ST6GALNAC3: variants seen among roughly 807,000 people sequenced by gnomAD.
ST6GALNAC3 encodes the protein ST6 N-acetylgalactosaminide alpha-2,6-sialyltransferase 3, also known as alpha-N-acetylgalactosaminide alpha-2,6-sialyltransferase 3.
Under a neutral mutation model 32.7 loss-of-function variants are expected in ST6GALNAC3, and 25 were observed. The ratio of observed to expected loss-of-function variants is 0.76; its 90% confidence interval spans 0.56 to 1.07. The LOEUF (loss-of-function observed/expected upper bound fraction) is 1.07, where lower values mean the gene tolerates loss of function less well. ST6GALNAC3 is among the 50% of genes least tolerant of loss of function. ST6GALNAC3 has a pLI of 0.00. For missense variants in ST6GALNAC3, 355 were observed against 382.4 expected (o/e 0.93, Z 0.60); for synonymous variants, 129 against 133.1 (o/e 0.97, Z 0.21).
intron 2 of ST6GALNAC3, among the ~76,000 whole-genome samples, chr1:76,314,460 G>T (rs1646827814): frequency 6.6e-6 from 1 of 152,068 alleles, no homozygotes; most frequent in Non-Finnish European, 1.5e-5. Context: ...TTTAAAATTT[G>T]CAGTGGCTGC....
At chr1:76,576,558 A>C (rs368064689) in intron 3 of ST6GALNAC3, among the ~76,000 whole-genome samples, 4 of 152,166 alleles carry the variant, frequency 2.6e-5, no homozygotes, top group South Asian at 4.1e-4. Flanking sequence ...GAGCTGAAAT[A>C]TTAGCCTTCG....
chr1:76,198,760 C>T lies in ST6GALNAC3; in HGVS notation c.19-115045C>T, dbSNP rs372304263. Among the ~76,000 whole-genome samples, 19 of 152,182 alleles carry T rather than the reference C, an allele frequency of 1.2e-4. No homozygotes were observed. In the South Asian group the frequency reaches 1.5e-3, roughly 12 times the overall value. ...AGGATTGCTGGTATTTTAGATATGT[C>T]GGATTTGAGGTGCCTTGTGACAGCC... On this transcript the variant is annotated intron_variant, in intron 1 of 4. Coordinates refer to ENST00000328299, the MANE Select transcript of ST6GALNAC3 (RefSeq NM_152996.4).
chr1:76,400,849 C>T (rs1018709275), intron 2 of ST6GALNAC3, among the ~76,000 whole-genome samples: 6 of 151,302 alleles, frequency 4.0e-5, no homozygotes, highest in African/African-American at 1.5e-4. Context: ...GAGCTGAGAT[C>T]GCACCACTGC....
At chr1:76,147,494 A>G (rs1650763767) in intron 1 of ST6GALNAC3, among the ~76,000 whole-genome samples, 1 of 152,284 alleles carries the variant, frequency 6.6e-6, no homozygotes, top group South Asian at 2.1e-4. Flanking sequence ...CTTGCAATCA[A>G]TCTTCCCCCT....
At chr1:76,472,131 G>C (rs980537237) in intron 3 of ST6GALNAC3, among the ~76,000 whole-genome samples, 23 of 151,996 alleles carry the variant, frequency 1.5e-4, no homozygotes, top group African/African-American at 5.6e-4. Flanking sequence ...GTTTGAAATG[G>C]CCGACATTTT....
At chr1:76,168,155 G>A (rs1419327152) in intron 1 of ST6GALNAC3, among the ~76,000 whole-genome samples, 3 of 152,068 alleles carry the variant, frequency 2.0e-5, no homozygotes, top group African/African-American at 7.2e-5. Context: ...TACTGCCTTA[G>A]TTGTGTCTCA....
rs995252586 is a variant in ST6GALNAC3, at chr1:76,426,671, T to C, written c.623+14254T>C. On this transcript the variant is annotated intron_variant, in intron 3 of 4. Coordinates refer to ENST00000328299, the MANE Select transcript of ST6GALNAC3 (RefSeq NM_152996.4). ...ATAAGCCTAGTAACATAGTTGTTTA[T>C]TATCATTATCAAGTATTATATACTG... 2.0e-5 allele frequency among the ~76,000 whole-genome samples: 3 copies of C among 151,924 alleles called. No homozygotes were observed. In the East Asian group the frequency reaches 5.8e-4, roughly 29 times the overall value.
intron 1 of ST6GALNAC3, among the ~76,000 whole-genome samples, chr1:76,150,465 C>T (rs940816921): frequency 1.3e-5 from 2 of 152,204 alleles, no homozygotes; most frequent in Admixed American, 1.3e-4. Flanking sequence ...ACCCAATTCC[C>T]TCCTAATTGC....
chr1:76,112,013 G>A (rs548090687), intron 1 of ST6GALNAC3, among the ~76,000 whole-genome samples: 9 of 151,724 alleles, frequency 5.9e-5, no homozygotes, highest in African/African-American at 9.7e-5. Flanking sequence ...CAGTAGGGGC[G>A]GCCGGGCAGA....
intron 1 of ST6GALNAC3, among the ~76,000 whole-genome samples, chr1:76,103,508 A>G (rs1017646003): frequency 7.2e-5 from 11 of 152,312 alleles, no homozygotes; most frequent in East Asian, 5.8e-4. Context: ...TTTTAGGCCT[A>G]AAATTTTCAT....
chr1:76,245,831 G>A (rs1657226738), intron 1 of ST6GALNAC3, among the ~76,000 whole-genome samples: 1 of 152,136 alleles, frequency 6.6e-6, no homozygotes, highest in East Asian at 1.9e-4. Context: ...TTCAAATTAT[G>A]TGGTCAATTT....
intron 1 of ST6GALNAC3, among the ~76,000 whole-genome samples, chr1:76,113,356 G>A (rs1447182093): frequency 6.9e-6 from 1 of 144,418 alleles, no homozygotes; most frequent in South Asian, 2.3e-4. Context: ...GGGGGAGGGG[G>A]AGGGGGAGGG....
chr1:76,327,176 T>C (rs755645079), intron 2 of ST6GALNAC3, among the ~76,000 whole-genome samples: 3 of 152,188 alleles, frequency 2.0e-5, no homozygotes, highest in Non-Finnish European at 2.9e-5. Context: ...TTTCTTATTT[T>C]GAACCACCAC....
At chr1:76,519,707 C>A (rs540569842) in intron 3 of ST6GALNAC3, among the ~76,000 whole-genome samples, 11 of 151,874 alleles carry the variant, frequency 7.2e-5, no homozygotes, top group Non-Finnish European at 1.5e-4. Context: ...GTACTCTTTT[C>A]TAGGAGAATC....
Position 76,391,611 on chromosome 1 carries a change from C to CCTTCT in ST6GALNAC3, c.214-20393_214-20392insTCTTC. ...TCACCTTCCCCTTCCCCTTCCCTTC[C>CCTTCT]CTTCCTTTTCTTTTCCTATAGCACA... On this transcript the variant is annotated intron_variant, in intron 2 of 4. Coordinates refer to ENST00000328299, the MANE Select transcript of ST6GALNAC3 (RefSeq NM_152996.4). 1.3e-5 allele frequency among the ~76,000 whole-genome samples: 2 copies of CCTTCT among 151,028 alleles called. 1 individual carries two copies. Among genetic ancestry groups the CCTTCT allele is most frequent in the South Asian group, 4.2e-4 (2 of 4,716 alleles).
chr1:76,397,677 G>A (rs184574848), intron 2 of ST6GALNAC3, among the ~76,000 whole-genome samples: 109 of 152,054 alleles, frequency 7.2e-4, no homozygotes, highest in Middle Eastern at 3.4e-3. Context: ...CCCGGCCAAG[G>A]TGTTCATTTT....
intron 1 of ST6GALNAC3, among the ~76,000 whole-genome samples, chr1:76,105,620 C>T (rs1019678414): frequency 5.3e-5 from 8 of 152,136 alleles, no homozygotes. Flanking sequence ...ACTTTTTCTT[C>T]CTTTCTGATA....
chr1:76,361,520 T>C (rs1259146651), intron 2 of ST6GALNAC3, among the ~76,000 whole-genome samples: 1 of 152,244 alleles, frequency 6.6e-6, no homozygotes, highest in East Asian at 1.9e-4. Context: ...TATTGTGAAT[T>C]TCTTTTTTAA....
intron 1 of ST6GALNAC3, among the ~76,000 whole-genome samples, chr1:76,292,594 T>C (rs1660162345): frequency 6.6e-6 from 1 of 152,210 alleles, no homozygotes; most frequent in African/African-American, 2.4e-5. Flanking sequence ...CCAGAACCAG[T>C]GGCCTGGAAC....
Sources: gnomAD v4.1 joint callset for allele counts (sites outside exome capture counted in the v4.1 genomes callset) on GRCh38, gnomAD v4.1.1 for gene constraint, MANE v1.5 for transcripts, NCBI Gene and HGNC (gene_info 2026-07-23, HGNC 2026-07-21) for gene names.